The following CTNNA2 variants were observed in gnomAD, a reference collection of about 807,000 sequenced individuals.
The protein encoded by CTNNA2 is catenin alpha 2, also known as catenin alpha-2.
A neutral mutation model predicts 101.0 loss-of-function variants in CTNNA2; 42 were observed. That is an observed-to-expected ratio of 0.42 (90% CI 0.32 to 0.54). The LOEUF (loss-of-function observed/expected upper bound fraction) is 0.54. CTNNA2 is among the 20% of genes least tolerant of loss of function. The pLI, the probability that CTNNA2 is intolerant of heterozygous loss-of-function variation, is 0.14. For synonymous variants in CTNNA2, 450 were observed against 456.4 expected (o/e 0.99, Z 0.18); for missense variants, 871 against 1,223.1 (o/e 0.71, Z 4.29).
chr2:80,288,954 A>G (rs1675002606), intron 7 of CTNNA2: 1 of 152,144 alleles, frequency 6.6e-6, no homozygotes, highest in Admixed American at 6.6e-5. Context: ...ACTGTTTCTC[A>G]TGGGCCGACA....
intron 7 of CTNNA2, among the ~76,000 whole-genome samples, chr2:80,217,069 T>G (rs1708311977): frequency 6.6e-6 from 1 of 152,040 alleles, no homozygotes. Context: ...TGACCTCAAG[T>G]GATCTGCCCA....
Position 80,581,760 on chromosome 2 carries a change from C to T in CTNNA2, c.1948C>T (p.Arg650Cys), listed in dbSNP as rs776677678. 3.5e-5 allele frequency: 57 copies of T among 1,613,140 alleles called. No individual in the cohort carries two copies. Among genetic ancestry groups the T allele is most frequent in the Non-Finnish European group, 4.2e-5 (49 of 1,179,444 alleles). ...SDFEQEDYDV[R>C]SRTSVQTEDD... ...CTTTGAGCAGGAAGATTATGATGTG[C>T]GTAGCAGGACAAGTGTTCAGACTGA... The change falls in exon 14 of 19, where the codon CGT becomes TGT. Residue 650 changes from arginine to cysteine, a missense_variant. Arg to Cys is a radical substitution (Grantham distance 180). Around this residue, in one of 5 missense-constraint regions of CTNNA2, gnomAD observed 93 missense variants for 223.7 expected, o/e 0.42. Transcript: ENST00000402739.
intron 3 of CTNNA2, among the ~76,000 whole-genome samples, chr2:79,351,835 A>G (rs544491957): frequency 6.6e-6 from 1 of 152,290 alleles, no homozygotes; most frequent in South Asian, 2.1e-4. Flanking sequence ...CCGATCCACC[A>G]TTGATGAACA....
At chr2:79,717,503 A>G (rs1686184179) in intron 2 of CTNNA2, among the ~76,000 whole-genome samples, 1 of 152,188 alleles carries the variant, frequency 6.6e-6, no homozygotes, top group Admixed American at 6.5e-5. Context: ...GGAGGCAGCC[A>G]CAGCAGCGGC....
intron 1 of CTNNA2, among the ~76,000 whole-genome samples, chr2:79,617,219 C>G (rs549584359): frequency 5.3e-4 from 81 of 152,146 alleles, no homozygotes; most frequent in South Asian, 3.7e-3. Context: ...TTTCTTTTAT[C>G]TATGATATTT....
chr2:79,913,066 C>T (rs574548665), intron 7 of CTNNA2, among the ~76,000 whole-genome samples: 1 of 152,164 alleles, frequency 6.6e-6, no homozygotes, highest in African/African-American at 2.4e-5. Context: ...GTAAAATTCT[C>T]TGCTTGCTCT....
At chr2:79,697,061 T>C (rs1684696567) in intron 2 of CTNNA2, among the ~76,000 whole-genome samples, 3 of 151,946 alleles carry the variant, frequency 2.0e-5, no homozygotes, top group African/African-American at 7.2e-5. Context: ...AGATAACTGG[T>C]TTTCTCAGGG....
At chr2:80,481,180 G>A (rs577730614) in intron 9 of CTNNA2, among the ~76,000 whole-genome samples, 119 of 152,274 alleles carry the variant, frequency 7.8e-4, no homozygotes, top group Non-Finnish European at 1.4e-3. Flanking sequence ...GGCTAAATTA[G>A]TGCAAGAGAG....
intron 3 of CTNNA2, among the ~76,000 whole-genome samples, chr2:79,852,633 C>T (rs1272923259): frequency 6.6e-6 from 1 of 152,230 alleles, no homozygotes; most frequent in East Asian, 1.9e-4. Flanking sequence ...CACTCCGTCA[C>T]CAGGCTGGAG....
At chr2:79,821,316 C>G (rs1677983963) in intron 3 of CTNNA2, among the ~76,000 whole-genome samples, 1 of 152,046 alleles carries the variant, frequency 6.6e-6, no homozygotes, top group Non-Finnish European at 1.5e-5. Flanking sequence ...TCAAGTGATC[C>G]TCTTGTCTCA....
Position 80,555,819 on chromosome 2 carries a change from C to T in CTNNA2, c.1667C>T (p.Ala556Val). The T allele has an allele frequency of 6.3e-7, 1 of 1,597,800 alleles. No individual in the cohort carries two copies. The highest frequency in any genetic ancestry group is 2.3e-5 in the East Asian group (1 of 44,222). Residue 556 changes from alanine (A) to valine (V), a missense_variant, in exon 12 of 19, where the codon GCT (alanine) becomes GTT (valine). Physicochemically the swap from Ala to Val is moderately conservative, Grantham distance 64 (BLOSUM62 0). Transcript: ENST00000402739. The part of the protein sequence containing the change: ...RAARVIHIIN[A>V]EMENYEAGVY... ...GCTCGAGTCATACACATCATCAATG[C>T]TGAGATGGAGAACTATGAAGCTGGG...
At chr2:80,168,686 C>A (rs1437007046) in intron 7 of CTNNA2, among the ~76,000 whole-genome samples, 2 of 152,122 alleles carry the variant, frequency 1.3e-5, no homozygotes, top group Non-Finnish European at 2.9e-5. Context: ...TCCCATTGGG[C>A]AGCTTTACAA....
At chr2:79,566,532 T>C (rs1317520895) in intron 1 of CTNNA2, among the ~76,000 whole-genome samples, 2 of 152,188 alleles carry the variant, frequency 1.3e-5, no homozygotes, top group African/African-American at 2.4e-5. Flanking sequence ...TATATTGATA[T>C]GCAGATACCC....
In CTNNA2 at chr2:80,474,498, G is replaced by C. The variant is rs79565481; in HGVS notation, c.1290+54897G>C. On this transcript the variant is annotated intron_variant, in intron 9 of 18. Transcript: ENST00000402739. Reference sequence around the variant, plus strand: ...CCAGAATTGGGCAGTTCCTGGTTTAGAAGGCAAGAGGTAAATTTCAGTATT... The same window carrying C: ...CCAGAATTGGGCAGTTCCTGGTTTACAAGGCAAGAGGTAAATTTCAGTATT... 2.2e-3 allele frequency among the ~76,000 whole-genome samples: 333 copies of C among 152,282 alleles called. 1 individual carries two copies. The highest frequency in any genetic ancestry group is 7.3e-3 in the African/African-American group (305 of 41,568).
chr2:80,132,585 T>A (rs1039687942), intron 7 of CTNNA2, among the ~76,000 whole-genome samples: 1 of 152,152 alleles, frequency 6.6e-6, no homozygotes, highest in African/African-American at 2.4e-5. Context: ...CTATTTAAAG[T>A]AACAAGTTAC....
intron 4 of CTNNA2, among the ~76,000 whole-genome samples, chr2:79,381,162 A>G (rs1678034743): frequency 6.6e-6 from 1 of 152,188 alleles, no homozygotes; most frequent in South Asian, 2.1e-4. Context: ...GAGTAAGTAG[A>G]AGAACTCACA....
At chr2:80,376,999 G>A (rs1676018299) in intron 7 of CTNNA2, among the ~76,000 whole-genome samples, 1 of 152,192 alleles carries the variant, frequency 6.6e-6, no homozygotes, top group African/African-American at 2.4e-5. Flanking sequence ...TCTTTCCCCA[G>A]TAGAAGCTAC....
At chr2:79,406,056 C>A (rs1294160645) in intron 4 of CTNNA2, among the ~76,000 whole-genome samples, 3 of 151,874 alleles carry the variant, frequency 2.0e-5, no homozygotes, top group Non-Finnish European at 2.9e-5. Flanking sequence ...AGAAAAGAGA[C>A]CCAAAGGAGA....
At chr2:79,619,826 C>G (rs552355514) in intron 1 of CTNNA2, among the ~76,000 whole-genome samples, 1 of 152,260 alleles carries the variant, frequency 6.6e-6, no homozygotes, top group East Asian at 1.9e-4. Context: ...TCCAGACATT[C>G]ACATTTTCCC....
Sources: allele counts gnomAD v4.1 joint callset (sites outside exome capture counted in the v4.1 genomes callset), GRCh38; gene constraint gnomAD v4.1.1; regional missense constraint gnomAD v4.1.1; transcripts MANE v1.5; gene names NCBI Gene and HGNC (gene_info 2026-07-23, HGNC 2026-07-21).